The following STK39 variants were observed in gnomAD, a reference collection of about 807,000 sequenced individuals.
STK39 encodes STE20/SPS1-related proline-alanine-rich protein kinase.
Under a neutral mutation model 77.8 loss-of-function variants are expected in STK39, and 20 were observed. The observed-to-expected ratio is 0.26, with a 90% CI of 0.18 to 0.37. STK39 has a LOEUF of 0.37. Ranked by LOEUF, STK39 falls within the 10% of genes least tolerant of loss-of-function variation. STK39 has a pLI of 1.00. For synonymous variants in STK39, 246 were observed against 234.1 expected, an observed-to-expected ratio of 1.05 and a Z score of -0.47; for missense variants, 479 against 656.5, an observed-to-expected ratio of 0.73 and a Z score of 2.95.
intron 16 of STK39, among the ~76,000 whole-genome samples, chr2:167,977,868 G>A (rs974791395): frequency 4.6e-5 from 7 of 152,150 alleles, no homozygotes; most frequent in Admixed American, 1.3e-4. Flanking sequence ...TGTGGGAGAC[G>A]GGAGTTTTAT....
chr2:167,992,373 T>C (rs943573937), intron 16 of STK39, among the ~76,000 whole-genome samples: 1 of 151,978 alleles, frequency 6.6e-6, no homozygotes, highest in African/African-American at 2.4e-5. Flanking sequence ...ATCAGAGCTG[T>C]AGGCCACCAG....
intron 10 of STK39, among the ~76,000 whole-genome samples, chr2:168,127,635 C>G (rs1056541774): frequency 2.6e-5 from 4 of 152,196 alleles, no homozygotes; most frequent in Non-Finnish European, 5.9e-5. Context: ...GGCTAAGGAT[C>G]TTGGTCTTTA....
chr2:168,079,499 G>A (rs1686170414), intron 10 of STK39, among the ~76,000 whole-genome samples: 1 of 152,212 alleles, frequency 6.6e-6, no homozygotes, highest in Admixed American at 6.5e-5. Context: ...CCAGTCAAGT[G>A]CGCATGATGC....
intron 1 of STK39, among the ~76,000 whole-genome samples, chr2:168,190,663 C>G (rs982201432): frequency 1.3e-5 from 2 of 152,146 alleles, no homozygotes; most frequent in Non-Finnish European, 2.9e-5. Context: ...GAAGGACAGA[C>G]AAGAGCCCAC....
chr2:168,004,693 A>G (rs1217844143), intron 16 of STK39, among the ~76,000 whole-genome samples: 1 of 149,652 alleles, frequency 6.7e-6, no homozygotes, highest in African/African-American at 2.5e-5. Flanking sequence ...AGATTGCACC[A>G]TTGCACTCTA....
At position 168,006,436 on chromosome 2, in the gene STK39, A is replaced by AT. The variant is rs1255494986; in HGVS notation, c.1498+6197dup. Among the ~76,000 whole-genome samples, 7 of 152,168 alleles carry AT rather than the reference A, an allele frequency of 4.6e-5. No homozygotes were observed. In the South Asian group the frequency reaches 6.2e-4, roughly 14 times the overall value. ...TGTACATATGAATTTTGTGTTTTGC[A>AT]TTTTTCCCCCGTGCTTCCATTGCAG... On this transcript the variant is annotated intron_variant, in intron 16 of 17. Transcript: ENST00000355999.
intron 1 of STK39, among the ~76,000 whole-genome samples, chr2:168,192,880 T>A (rs892740225): frequency 6.6e-6 from 1 of 152,166 alleles, no homozygotes; most frequent in Non-Finnish European, 1.5e-5. Flanking sequence ...CACCTCCCTA[T>A]GATCAGCTCT....
intron 1 of STK39, among the ~76,000 whole-genome samples, chr2:168,232,880 C>T (rs6728524): frequency 0.087 from 13,116 of 151,602 alleles, 1,028 homozygotes; most frequent in African/African-American, 0.2. Context: ...CCATTGCACT[C>T]CAGCCTGGGC....
At chr2:168,004,459 G>A (rs560317453) in intron 16 of STK39, among the ~76,000 whole-genome samples, 3 of 152,202 alleles carry the variant, frequency 2.0e-5, no homozygotes, top group Non-Finnish European at 2.9e-5. Context: ...TGGGCTGGGC[G>A]CGTTGGCTCA....
chr2:168,221,054 C>A (rs1335029238), intron 1 of STK39, among the ~76,000 whole-genome samples: 1 of 152,072 alleles, frequency 6.6e-6, no homozygotes, highest in Non-Finnish European at 1.5e-5. Context: ...TCATACTGAA[C>A]TGCTGGTGAT....
intron 2 of STK39, among the ~76,000 whole-genome samples, chr2:168,180,174 C>CT (rs1413444493): frequency 2.0e-5 from 3 of 152,164 alleles, no homozygotes; most frequent in Non-Finnish European, 4.4e-5. Flanking sequence ...TGGCGAAACT[C>CT]TGTCTCTACT....
intron 17 of STK39, among the ~76,000 whole-genome samples, chr2:167,960,570 C>T (rs189657871): frequency 3.9e-5 from 6 of 152,210 alleles, no homozygotes; most frequent in East Asian, 1.9e-4. Context: ...AATGTGACAG[C>T]GTATGACATC....
intron 1 of STK39, among the ~76,000 whole-genome samples, chr2:168,194,827 T>C (rs566323797): frequency 5.9e-5 from 9 of 152,328 alleles, no homozygotes; most frequent in Admixed American, 2.6e-4. Context: ...ATTCAACCTA[T>C]ACAAGTTACT....
At chr2:168,073,748 C>T (rs956064138) in intron 12 of STK39, among the ~76,000 whole-genome samples, 7 of 152,084 alleles carry the variant, frequency 4.6e-5, no homozygotes, top group Admixed American at 3.9e-4. Flanking sequence ...CGTGCCTCAG[C>T]CTCCCGAGTA....
At chr2:168,151,502 C>T (rs1235593182) in intron 5 of STK39, among the ~76,000 whole-genome samples, 3 of 151,946 alleles carry the variant, frequency 2.0e-5, no homozygotes, top group Middle Eastern at 3.2e-3. Flanking sequence ...TTTGGGAGGC[C>T]GAGGCAGTCA....
chr2:168,026,618 G>T (rs983760593), intron 14 of STK39, among the ~76,000 whole-genome samples: 13 of 152,180 alleles, frequency 8.5e-5, no homozygotes, highest in Non-Finnish European at 1.6e-4. Context: ...TAGACTGATG[G>T]CTCTCAAACT....
intron 1 of STK39, among the ~76,000 whole-genome samples, chr2:168,201,753 C>A (rs1046779582): frequency 6.6e-6 from 1 of 152,232 alleles, no homozygotes; most frequent in African/African-American, 2.4e-5. Flanking sequence ...AAACCACCCC[C>A]CTTCTAATCT....
intron 16 of STK39, among the ~76,000 whole-genome samples, chr2:167,976,117 A>G (rs1332518383): frequency 6.6e-6 from 1 of 152,218 alleles, no homozygotes; most frequent in African/African-American, 2.4e-5. Context: ...GACTCTGCCT[A>G]TAGGGAAGGA....
chr2:167,959,997 G>C (rs1364377244), intron 17 of STK39, among the ~76,000 whole-genome samples: 1 of 152,186 alleles, frequency 6.6e-6, no homozygotes, highest in Non-Finnish European at 1.5e-5. Context: ...ATTTCAAAGT[G>C]AAGGAGAAGT....
Sources: allele counts gnomAD v4.1 joint callset (sites outside exome capture counted in the v4.1 genomes callset), GRCh38; gene constraint gnomAD v4.1.1; transcripts MANE v1.5; gene names NCBI Gene and HGNC (gene_info 2026-07-23, HGNC 2026-07-21).